The following OPLAH variants were observed in gnomAD, a reference collection of about 807,000 sequenced individuals.
The protein encoded by OPLAH is 5-oxoprolinase.
OPLAH carries 103 observed loss-of-function variants against 122.8 expected under a neutral mutation model. The ratio of observed to expected loss-of-function variants is 0.84; its 90% CI spans 0.71 to 0.99. The LOEUF (loss-of-function observed/expected upper bound fraction) is 0.99, where lower values mean the gene tolerates loss of function less well. Among genes scored for constraint, OPLAH ranks in the 50% least tolerant of loss-of-function variants. The pLI is 0.00. For synonymous variants in OPLAH, 875 were observed against 796.0 expected, an observed-to-expected ratio of 1.10 and a Z score of -1.67; for missense variants, 1,902 against 1,836.5, an observed-to-expected ratio of 1.04 and a Z score of -0.65.
In OPLAH at chr8:144,052,576, A is replaced by T; in HGVS notation, c.3176T>A (p.Val1059Glu). 1 of 1,596,584 alleles carries T rather than the reference A, an allele frequency of 6.3e-7. No homozygotes were observed. Residue 1059 changes from valine to glutamate, a missense_variant, in exon 23 of 27, where the codon GTG becomes GAG. By Grantham distance (121) the Val-to-Glu change is moderately radical (BLOSUM62 -2). Coordinates refer to ENST00000618853, the MANE Select transcript of OPLAH (RefSeq NM_017570.5). The stretch of plus-strand genomic sequence containing the variant: ...CAGGATGGAGCCTCGGGGAATGACC[A>T]CGCGCACTGGCGCCAGGCAGCCCTG... ...LNQGCLAPVR[V>E]VIPRGSILDP...
At chr8:144,060,158 G>C (rs2129852322) in intron 1 of OPLAH, 73 bp from the exon 2 acceptor site, 1 of 1,131,408 alleles carries the variant, frequency 8.8e-7, no homozygotes. Context: ...GCGCATGCGG[G>C]GGGTTCCTGA....
At chr8:144,051,140 C>G, downstream of OPLAH, 2 of 1,414,978 alleles carry the variant, frequency 1.4e-6, no homozygotes, top group Non-Finnish European at 1.8e-6. Flanking sequence ...CGTTCAGTAC[C>G]GCCCTGGAGG....
upstream of OPLAH, among the ~76,000 whole-genome samples, chr8:144,062,135 C>T (rs2129869387): frequency 6.6e-6 from 1 of 152,188 alleles, no homozygotes; most frequent in Non-Finnish European, 1.5e-5. Flanking sequence ...AGGCACTCGC[C>T]CTGAATTCTT....
downstream of OPLAH, chr8:144,050,744 G>C: frequency 1.0e-6 from 1 of 986,298 alleles, no homozygotes; most frequent in Middle Eastern, 5.2e-4. Context: ...GACCTGGGGA[G>C]CGCCGTCGGC....
chr8:144,057,760 G>A, intron 9 of OPLAH, 47 bp from the exon 10 acceptor site: 1 of 1,609,678 alleles, frequency 6.2e-7, no homozygotes, highest in African/African-American at 1.3e-5. Flanking sequence ...AGGCAGGGGA[G>A]CAGGAGTAGG....
Position 144,059,086 on chromosome 8 carries a change from G to A in OPLAH, c.364-7C>T. On this transcript the variant is annotated splice_polypyrimidine_tract_variant and splice_region_variant and intron_variant, in intron 3 of 26. Transcript: ENST00000618853. ...CCTCAGGCATGGGCACGGCCTGGGG[G>A]CGGGCAGAGACTCAGAAGAGGCCCA... is the stretch of plus-strand genomic sequence containing the variant. 6 of 1,568,256 alleles carry A rather than the reference G, an allele frequency of 3.8e-6. No homozygotes were observed. The highest frequency in any genetic ancestry group is 2.3e-5 in the South Asian group (2 of 85,414).
rs782052429 is a variant in OPLAH, at chr8:144,051,716, C to A, written c.3720+13G>T. On this transcript the variant is annotated intron_variant, in intron 26 of 26. Transcript: ENST00000618853. ...GGGGAGGGGAGGGGGACAGGACAGG[C>A]CGCGGCCCTTACCCCGGGGTACACG... is the stretch of plus-strand genomic sequence containing the variant. 1.3e-6 allele frequency: 2 copies of A among 1,584,770 alleles called. No individual in the cohort carries two copies. Among genetic ancestry groups the A allele is most frequent in the Non-Finnish European group, 8.6e-7 (1 of 1,168,192 alleles).
At chr8:144,050,443 G>C (rs565310483), downstream of OPLAH, 6 of 985,646 alleles carry the variant, frequency 6.1e-6, no homozygotes, top group South Asian at 9.4e-5. Context: ...CCTAAACTTC[G>C]ATAACTGCTG....
upstream of OPLAH, among the ~76,000 whole-genome samples, chr8:144,063,305 T>G (rs1324653634): frequency 6.6e-6 from 1 of 152,048 alleles, no homozygotes; most frequent in Non-Finnish European, 1.5e-5. The surrounding 1 kb of genome is among the most constrained non-coding windows in gnomAD (Gnocchi z 4.2). Flanking sequence ...TACTTTCACC[T>G]TCAGAACACA....
intron 19 of OPLAH, among the ~76,000 whole-genome samples, chr8:144,053,982 G>A (rs1359378844): frequency 6.8e-5 from 3 of 44,304 alleles, no homozygotes; most frequent in Non-Finnish European, 1.4e-4. Flanking sequence ...CCCACCCCCC[G>A]CCCTCGCTCT....
Position 144,059,918 on chromosome 8 carries a change from C to T in OPLAH, c.115G>A (p.Asp39Asn), listed in dbSNP as rs782234672. The T allele has an allele frequency of 7.4e-6, 12 of 1,612,544 alleles. No homozygotes were observed. Among genetic ancestry groups the T allele is most frequent in the Non-Finnish European group, 1.0e-5 (12 of 1,179,860 alleles). The change falls in exon 2 of 27, where the codon GAC becomes AAC. Residue 39 changes from aspartate (D) to asparagine (N), a missense_variant. Coordinates refer to ENST00000618853, the MANE Select transcript of OPLAH (RefSeq NM_017570.5). ...HVRVLKLLSE[D>N]PANYADAPTE... Reference sequence around the variant, plus strand: ...GGCGCGTCCGCATAGTTGGCAGGGTCCTCTGAGAGCAGTTTTAAGACCCGC... The same window carrying T: ...GGCGCGTCCGCATAGTTGGCAGGGTTCTCTGAGAGCAGTTTTAAGACCCGC...
Position 144,054,576 on chromosome 8 carries a change from C to G in OPLAH, c.2671G>C (p.Val891Leu). 1 of 1,589,658 alleles carries G rather than the reference C, an allele frequency of 6.3e-7. No individual in the cohort carries two copies. The highest frequency in any genetic ancestry group is 8.6e-7 in the Non-Finnish European group (1 of 1,162,752). ...FLSFKLVQGG[V>L]FQEEAVTEAL... ...TCCCACTCACCCTCCTCCTGGAAGA[C>G]GCCCCCCTGGACAAGTTTGAAGGAC... The change falls in exon 19 of 27, where the codon GTC becomes CTC. Residue 891 changes from valine to leucine, a missense_variant. This residue lies in a region of OPLAH where 1,726 missense variants were observed against 1,642.1 expected (regional missense o/e 1.05). Transcript: ENST00000618853.
At position 144,051,996 on chromosome 8, in the gene OPLAH, G is replaced by A; in HGVS notation, c.3542C>T (p.Thr1181Ile). 1 of 1,585,428 alleles carries A rather than the reference G, an allele frequency of 6.3e-7. No homozygotes were observed. Among genetic ancestry groups the A allele is most frequent in the Non-Finnish European group, 8.5e-7 (1 of 1,174,310 alleles). ...RGRFRGGDGV[T>I]RELLFREEAL... ...CTCCTCACGAAAGAGCAGCTCGCGG[G>A]TGACGCCGTCGCCGCCTCGGAAGCG... The change falls in exon 25 of 27, where the codon ACC becomes ATC. Residue 1181 changes from threonine (T) to isoleucine (I), a missense_variant. Thr to Ile is a moderately conservative substitution (Grantham distance 89). Transcript: ENST00000618853.
At position 144,053,061 on chromosome 8, in the gene OPLAH, C is replaced by T; in HGVS notation, c.2940G>A (p.Leu980=). ...AFGTSRQARG[L]PLEVSSEDHM... ...GGTCTTCCGAGGACACCTCCAGGGGCAGGCCCCGGGCCTGCCGGGAGGTTC... is the reference window on the plus strand; with the variant it reads ...GGTCTTCCGAGGACACCTCCAGGGGTAGGCCCCGGGCCTGCCGGGAGGTTC... Residue 980 remains leucine (L), a synonymous_variant, in exon 21 of 27, where the codon CTG becomes CTA. Transcript: ENST00000618853. 4 of 1,601,896 alleles carry T rather than the reference C, an allele frequency of 2.5e-6. No homozygotes were observed. The highest frequency in any genetic ancestry group is 3.4e-6 in the Non-Finnish European group (4 of 1,175,344).
At chr8:144,054,210 C>T (rs1053354273) in intron 19 of OPLAH, among the ~76,000 whole-genome samples, 10 of 152,094 alleles carry the variant, frequency 6.6e-5, no homozygotes, top group Non-Finnish European at 1.3e-4. Context: ...TGGGCCCTGC[C>T]CCTGCCCTGC....
rs1274845332 is a variant in OPLAH at position 144,055,368 on chromosome 8, AG to A, written c.2249-180del. On this transcript the variant is annotated intron_variant, in intron 16 of 26. Transcript: ENST00000618853. The surrounding 1 kb of genome is among the most constrained non-coding windows in gnomAD (Gnocchi z 6.5). ...CTTGGCCACGTCTTAGCCTATGTAA[AG>A]GACACCACCTTCCCCAGCCCTGCCT... 3.3e-5 allele frequency among the ~76,000 whole-genome samples: 5 copies of A among 152,202 alleles called. No individual in the cohort carries two copies. The East Asian group carries it at 9.7e-4, about 29-fold the overall frequency.
rs368798472 is a variant in OPLAH, at chr8:144,054,740, C to A, written c.2512-5G>T. The A allele has an allele frequency of 1.9e-6, 3 of 1,611,982 alleles. No homozygotes were observed. Among genetic ancestry groups the A allele is most frequent in the Non-Finnish European group, 2.5e-6 (3 of 1,179,820 alleles). On this transcript the variant is annotated splice_polypyrimidine_tract_variant and splice_region_variant and intron_variant, in intron 18 of 26. Transcript: ENST00000618853. ...CGTCTGACCCGGCCAAAACACCTAG[C>A]GGGTGGAGAGCCACGGTCAGCTGCA...
At position 144,051,760 on chromosome 8, in the gene OPLAH, C is replaced by T; in HGVS notation, c.3689G>A (p.Gly1230Asp). 2 of 1,607,376 alleles carry T rather than the reference C, an allele frequency of 1.2e-6. No homozygotes were observed. Among genetic ancestry groups the T allele is most frequent in the African/African-American group, 1.3e-5 (1 of 74,896 alleles). ...IRKNGRTVNLGGKTSVTVYPG... is the reference protein window; with the variant it reads ...IRKNGRTVNLDGKTSVTVYPG... Reference sequence around the variant, plus strand: ...GTACACGGTCACCGACGTCTTGCCGCCCAGATTCACCGTCCGGCCGTTTTT... The same window carrying T: ...GTACACGGTCACCGACGTCTTGCCGTCCAGATTCACCGTCCGGCCGTTTTT... The change falls in exon 26 of 27, where the codon GGC becomes GAC. Residue 1230 changes from glycine (G) to aspartate (D), a missense_variant. Gly to Asp is a moderately conservative substitution (Grantham distance 94). Coordinates refer to ENST00000618853, the MANE Select transcript of OPLAH (RefSeq NM_017570.5).
chr8:144,062,305 T>G (rs1448131370), upstream of OPLAH, among the ~76,000 whole-genome samples: 4 of 152,080 alleles, frequency 2.6e-5, no homozygotes, highest in African/African-American at 7.2e-5. Context: ...CTGCTGCTCA[T>G]GTCCAGATGA....
Sources: allele counts gnomAD v4.1 joint callset (sites outside exome capture counted in the v4.1 genomes callset), GRCh38; gene constraint gnomAD v4.1.1; regional missense constraint gnomAD v4.1.1; non-coding constraint Gnocchi (gnomAD v3.1); transcripts MANE v1.5; gene names NCBI Gene and HGNC (gene_info 2026-07-23, HGNC 2026-07-21).